ADI1: variants seen among roughly 807,000 people sequenced by gnomAD.
ADI1 encodes the protein acireductone dioxygenase 1.
Under a neutral mutation model 18.7 loss-of-function variants are expected in ADI1, and 21 were observed. That is an observed-to-expected ratio of 1.13 (90% CI 0.80 to 1.62). The LOEUF (loss-of-function observed/expected upper bound fraction) is 1.62, where lower values mean the gene tolerates loss of function less well. ADI1 is among the 40% of genes most tolerant of loss of function. The probability of loss-of-function intolerance (pLI) is 0.00; values close to 1 mark genes in which losing one functional copy is unlikely to be tolerated. For synonymous variants in ADI1, 90 were observed against 100.1 expected (o/e 0.90, Z 0.60); for missense variants, 245 against 254.9 (o/e 0.96, Z 0.26).
At chr2:3,509,761 G>A (rs993920843) in intron 2 of ADI1, among the ~76,000 whole-genome samples, 7 of 151,930 alleles carry the variant, frequency 4.6e-5, no homozygotes, top group East Asian at 1.9e-4. Flanking sequence ...CTGCGAGGCC[G>A]AGGAGGGAGG....
chr2:3,502,587 G>A (rs1162646800), intron 2 of ADI1, among the ~76,000 whole-genome samples: 1 of 151,756 alleles, frequency 6.6e-6, no homozygotes, highest in Non-Finnish European at 1.5e-5. Context: ...AAGTAGCTGG[G>A]GTCACAGGCA....
intron 3 of ADI1, chr2:3,500,500 C>G: frequency 3.5e-6 from 1 of 282,436 alleles, no homozygotes; most frequent in Non-Finnish European, 5.8e-6. Context: ...AGGGCTGGGG[C>G]AGGGCCAGGC....
chr2:3,499,000 C>G lies in ADI1; in HGVS notation c.503G>C (p.Arg168Pro). 6.2e-7 allele frequency: 1 copy of G among 1,613,970 alleles called. No individual in the cohort carries two copies. The highest frequency in any genetic ancestry group is 8.5e-7 in the Non-Finnish European group (1 of 1,179,840). Residue 168 changes from arginine to proline, a missense_variant, in exon 4 of 4, where the codon CGC becomes CCC. Coordinates refer to ENST00000327435, the MANE Select transcript of ADI1 (RefSeq NM_018269.4). ...YNRPADHFEA[R>P]GQYVKFLAQT... is the part of the protein sequence containing the mutation. ...TGCCAGAAATTTCACGTACTGCCCGCGGGCTTCAAAATGGTCAGCGGGCCG... is the reference window on the plus strand; with the variant it reads ...TGCCAGAAATTTCACGTACTGCCCGGGGGCTTCAAAATGGTCAGCGGGCCG...
chr2:3,519,349 G>A lies in ADI1; in HGVS notation c.120+19C>T, dbSNP rs751446555. The A allele has an allele frequency of 2.1e-6, 3 of 1,410,824 alleles. No individual in the cohort carries two copies. The highest frequency in any genetic ancestry group is 3.2e-5 in the Admixed American group (1 of 31,654). 87.4% of individuals were successfully genotyped at this position (1,410,824 alleles called of 1,614,324 possible). On this transcript the variant is annotated intron_variant, in intron 1 of 3. Coordinates refer to ENST00000327435, the MANE Select transcript of ADI1 (RefSeq NM_018269.4). ...GGTCGGCGTCGCCCGCACGCTCTGC[G>A]AGGCTTGGGCTCGCGTACCTTCCAG...
At chr2:3,516,128 A>G in intron 1 of ADI1, 1 of 866,980 alleles carries the variant, frequency 1.2e-6, no homozygotes, top group Non-Finnish European at 1.4e-6. Flanking sequence ...AAGGGGTGGG[A>G]CCTTTAGGAT....
chr2:3,518,160 AGGAAAAGACAAATACTAT>A (rs999771625), intron 1 of ADI1, among the ~76,000 whole-genome samples: 1 of 152,278 alleles, frequency 6.6e-6, no homozygotes, highest in African/African-American at 2.4e-5. Context: ...ACCTTATCCT[AGGAAAAGACAAATACTAT>A]GTAAACATTA....
intron 1 of ADI1, 160 bp downstream of exon 1, chr2:3,519,208 G>A (rs1012711282): frequency 3.7e-5 from 41 of 1,120,458 alleles, no homozygotes; most frequent in Non-Finnish European, 2.9e-5. Context: ...GCCCACCCCA[G>A]GCACCGGGAG....
chr2:3,516,893 T>C (rs1572240762), intron 1 of ADI1: 1 of 981,516 alleles, frequency 1.0e-6, no homozygotes, highest in African/African-American at 1.8e-5. Context: ...AATGTTAATA[T>C]GGGGTGTGTG....
chr2:3,508,831 G>A (rs1248955751), intron 2 of ADI1, among the ~76,000 whole-genome samples: 1 of 152,068 alleles, frequency 6.6e-6, no homozygotes, highest in Non-Finnish European at 1.5e-5. Flanking sequence ...TTGAGCTTGA[G>A]AGGTTGAGGC....
At chr2:3,500,719 T>TG in intron 3 of ADI1, 95 bp downstream of exon 3, 3 of 1,544,244 alleles carry the variant, frequency 1.9e-6, no homozygotes, top group Non-Finnish European at 2.7e-6. Flanking sequence ...CGACCGCGCT[T>TG]GGAGTCTGCG....
intron 2 of ADI1, among the ~76,000 whole-genome samples, chr2:3,503,141 A>G (rs1398706436): frequency 2.0e-5 from 3 of 152,030 alleles, no homozygotes; most frequent in Admixed American, 6.6e-5. Context: ...CTACACACGC[A>G]CACACACGTA....
intron 2 of ADI1, among the ~76,000 whole-genome samples, chr2:3,506,089 C>A (rs1224683717): frequency 1.3e-5 from 2 of 152,204 alleles, no homozygotes; most frequent in African/African-American, 2.4e-5. Flanking sequence ...AGGGAAACCC[C>A]AAGTCCAGCT....
intron 2 of ADI1, among the ~76,000 whole-genome samples, chr2:3,502,038 CACACAG>C (rs1305803931): frequency 3.6e-4 from 20 of 55,000 alleles, no homozygotes; most frequent in African/African-American, 1.4e-3. Flanking sequence ...CACACACACA[CACACAG>C]AGACAGGGTT....
Position 3,513,995 on chromosome 2 carries a change from C to A in ADI1, c.121-19G>T. 1 of 1,578,646 alleles carries A rather than the reference C, an allele frequency of 6.3e-7. No homozygotes were observed. Among genetic ancestry groups the A allele is most frequent in the Non-Finnish European group, 8.6e-7 (1 of 1,169,450 alleles). On this transcript the variant is annotated intron_variant, in intron 1 of 3. Transcript: ENST00000327435. ...CATCCAGCTAAAAGAGTTAACCCAC[C>A]AAAAACAAGAGCTCAGATTAACAAG...
chr2:3,514,101 CAACT>C (rs1466973477), intron 1 of ADI1, 125 bp from the exon 2 acceptor site: 75 of 1,175,408 alleles, frequency 6.4e-5, no homozygotes, highest in Middle Eastern at 5.3e-4. Flanking sequence ...TTTCAACCCT[CAACT>C]AACTCTCTTC....
chr2:3,519,264 C>T (rs1173067093), intron 1 of ADI1, 104 bp downstream of exon 1: 7 of 1,302,264 alleles, frequency 5.4e-6, no homozygotes, highest in African/African-American at 4.7e-5. Context: ...CGCAGCATGC[C>T]GCGGCTCCCA....
At chr2:3,500,669 G>T in intron 3 of ADI1, 145 bp downstream of exon 3, 1 of 1,103,802 alleles carries the variant, frequency 9.1e-7, no homozygotes, top group Non-Finnish European at 1.3e-6. Context: ...CGGCTCCACA[G>T]ACTCTCCTTG....
At chr2:3,516,210 T>C (rs1667405803) in intron 1 of ADI1, 7 of 294,464 alleles carry the variant, frequency 2.4e-5, no homozygotes, top group Non-Finnish European at 3.5e-5. Context: ...AGCTGGGCAC[T>C]GTGGCTCACA....
chr2:3,513,361 T>A (rs1014411299), intron 2 of ADI1, among the ~76,000 whole-genome samples: 2 of 152,198 alleles, frequency 1.3e-5, no homozygotes, highest in African/African-American at 4.8e-5. Flanking sequence ...AGTTTAGATT[T>A]GTGTCTCCAC....
Sources: gnomAD v4.1 joint callset for allele counts (sites outside exome capture counted in the v4.1 genomes callset) on GRCh38, gnomAD v4.1.1 for gene constraint, MANE v1.5 for transcripts, NCBI Gene and HGNC (gene_info 2026-07-23, HGNC 2026-07-21) for gene names.